Variants in UMAD1 observed in about 807,000 individuals in gnomAD.
UMAD1 encodes UBAP1-MVB12-associated (UMA)-domain containing protein 1.
In UMAD1, 8 loss-of-function variants were observed where a neutral mutation model predicts 6.1. The ratio of observed to expected loss-of-function variants is 1.30; its 90% CI spans 0.76 to 2.35. The LOEUF (loss-of-function observed/expected upper bound fraction) is 2.35, where lower values mean the gene tolerates loss of function less well. UMAD1 is among the 30% of genes most tolerant of loss of function. The pLI is 0.00. For synonymous variants in UMAD1, 56 were observed against 31.4 expected (o/e 1.78, Z -2.61); for missense variants, 130 against 78.4 (o/e 1.66, Z -2.49).
intron 2 of UMAD1, chr7:7,741,210 C>CTAGGTGCTCAACT (rs1296480579): frequency 6.6e-6 from 1 of 151,894 alleles, no homozygotes; most frequent in African/African-American, 2.4e-5. Flanking sequence ...TAAAGTTTCT[C>CTAGGTGCTCAACT]TAGGTGCTCA....
chr7:7,873,048 G>C (rs1429670772), intron 3 of UMAD1, among the ~76,000 whole-genome samples: 3 of 152,180 alleles, frequency 2.0e-5, no homozygotes, highest in African/African-American at 7.2e-5. Context: ...TTTAACCTGT[G>C]CCGAGCACTG....
intron 3 of UMAD1, among the ~76,000 whole-genome samples, chr7:7,831,488 G>A (rs997784157): frequency 1.3e-5 from 2 of 152,134 alleles, no homozygotes; most frequent in Non-Finnish European, 2.9e-5. Context: ...AGTCAAAGTG[G>A]CCTCTAAATC....
At chr7:7,709,818 A>C (rs1209190650) in intron 2 of UMAD1, among the ~76,000 whole-genome samples, 3 of 152,130 alleles carry the variant, frequency 2.0e-5, no homozygotes, top group Admixed American at 2.0e-4. Flanking sequence ...ATTCAGAATG[A>C]CAATGTGATG....
chr7:7,694,532 C>A (rs866241746), intron 2 of UMAD1, among the ~76,000 whole-genome samples: 2 of 152,010 alleles, frequency 1.3e-5, no homozygotes, highest in Non-Finnish European at 2.9e-5. Flanking sequence ...CCACCCCACC[C>A]CCACCACTGT....
At chr7:7,686,958 A>G (rs1373633123) in intron 2 of UMAD1, among the ~76,000 whole-genome samples, 2 of 152,226 alleles carry the variant, frequency 1.3e-5, no homozygotes, top group Non-Finnish European at 2.9e-5. Flanking sequence ...GCCAGCATCT[A>G]AGACCATGAG....
Position 7,835,387 on chromosome 7 carries a change from C to CT in UMAD1, c.156+33658dup, listed in dbSNP as rs774795829. ...ACATTTTCATTGTAACTTCTGCTTT[C>CT]TTTTTTTTTTTTTTGCTTTAAAAAA... is the stretch of plus-strand genomic sequence containing the variant. On this transcript the variant is annotated intron_variant, in intron 3 of 3. Coordinates refer to ENST00000682710, the MANE Select transcript of UMAD1 (RefSeq NM_001302348.2). Among the ~76,000 whole-genome samples the CT allele has an allele frequency of 5.4e-3, 300 of 56,060 alleles. 2 individuals carry two copies. Among genetic ancestry groups the CT allele is most frequent in the Middle Eastern group, 0.022 (2 of 92 alleles). The allele number at this position is 56,060 out of a possible 152,430, so 36.8% of individuals were successfully genotyped here.
At chr7:7,773,113 A>G (rs926582710) in intron 2 of UMAD1, among the ~76,000 whole-genome samples, 1 of 152,210 alleles carries the variant, frequency 6.6e-6, no homozygotes, top group South Asian at 2.1e-4. Context: ...AAGATGATTT[A>G]GTTTGTGAGA....
chr7:7,714,727 C>G (rs1780850166), intron 2 of UMAD1, among the ~76,000 whole-genome samples: 2 of 152,106 alleles, frequency 1.3e-5, no homozygotes, highest in Admixed American at 6.6e-5. Context: ...AGCTGAAAAC[C>G]TTCCTGGGGG....
intron 2 of UMAD1, among the ~76,000 whole-genome samples, chr7:7,776,077 A>T (rs565695285): frequency 4.6e-5 from 7 of 152,322 alleles, no homozygotes; most frequent in East Asian, 1.9e-4. Flanking sequence ...AAACTATTTT[A>T]AAAAATCATA....
intron 2 of UMAD1, among the ~76,000 whole-genome samples, chr7:7,787,783 T>G (rs147161500): frequency 1.3e-4 from 20 of 152,348 alleles, no homozygotes; most frequent in African/African-American, 4.3e-4. Context: ...AGCTACCCTG[T>G]CCTTATTGTA....
chr7:7,843,194 A>C (rs976993533), intron 3 of UMAD1, among the ~76,000 whole-genome samples: 1 of 152,240 alleles, frequency 6.6e-6, no homozygotes, highest in Admixed American at 6.5e-5. Context: ...TTTAAAGTTG[A>C]GCATTTGACT....
At chr7:7,812,107 G>A (rs12702655) in intron 3 of UMAD1, among the ~76,000 whole-genome samples, 27,585 of 152,106 alleles carry the variant, frequency 0.18, 2,952 homozygotes, top group South Asian at 0.33. Flanking sequence ...ATAATTGAAA[G>A]GTCATAATTC....
chr7:7,794,302 C>T (rs148586260), intron 2 of UMAD1, among the ~76,000 whole-genome samples: 2 of 152,220 alleles, frequency 1.3e-5, no homozygotes, highest in African/African-American at 4.8e-5. Flanking sequence ...GAGATCTGGC[C>T]AATTGAGGGG....
At chr7:7,836,747 C>G (rs1358971565) in intron 3 of UMAD1, among the ~76,000 whole-genome samples, 1 of 151,720 alleles carries the variant, frequency 6.6e-6, no homozygotes, top group Non-Finnish European at 1.5e-5. Flanking sequence ...GTATATTAGA[C>G]ATAAGCAAAG....
intron 2 of UMAD1, among the ~76,000 whole-genome samples, chr7:7,744,404 G>T (rs1781529476): frequency 6.6e-6 from 1 of 152,060 alleles, no homozygotes; most frequent in Non-Finnish European, 1.5e-5. Context: ...CTTTTGTGTA[G>T]ACATGTATTT....
At chr7:7,801,803 T>C (rs988405655) in intron 3 of UMAD1, 60 bp downstream of exon 3, 4 of 710,530 alleles carry the variant, frequency 5.6e-6, no homozygotes, top group African/African-American at 5.3e-5. Context: ...TGATTACTTA[T>C]GCCTCCGAGG....
intron 3 of UMAD1, among the ~76,000 whole-genome samples, chr7:7,873,882 A>G (rs1472343585): frequency 1.3e-5 from 2 of 152,152 alleles, no homozygotes; most frequent in Non-Finnish European, 2.9e-5. Flanking sequence ...ATGTTTCTTC[A>G]TTTACATCGT....
At chr7:7,842,012 A>G (rs1783690462) in intron 3 of UMAD1, among the ~76,000 whole-genome samples, 1 of 152,230 alleles carries the variant, frequency 6.6e-6, no homozygotes, top group South Asian at 2.1e-4. Flanking sequence ...TTGGACAATG[A>G]CACCAGGCAG....
chr7:7,863,823 A>G (rs1272086188), intron 3 of UMAD1, among the ~76,000 whole-genome samples: 1 of 152,212 alleles, frequency 6.6e-6, no homozygotes, highest in Non-Finnish European at 1.5e-5. Flanking sequence ...AGTTTAAGGC[A>G]CCACAACAGA....
Sources: allele counts gnomAD v4.1 joint callset (sites outside exome capture counted in the v4.1 genomes callset), GRCh38; gene constraint gnomAD v4.1.1; transcripts MANE v1.5; gene names NCBI Gene and HGNC (gene_info 2026-07-23, HGNC 2026-07-21).